Variants in TSHZ2 observed in about 807,000 individuals in gnomAD.
TSHZ2 encodes the protein teashirt zinc finger homeobox 2.
TSHZ2 carries 21 observed loss-of-function variants against 74.4 expected under a neutral mutation model. The observed-to-expected ratio is 0.28, with a 90% CI of 0.20 to 0.41. TSHZ2 has a LOEUF of 0.41. Ranked by LOEUF, TSHZ2 falls within the 10% of genes least tolerant of loss-of-function variation. The pLI, the probability that TSHZ2 is intolerant of heterozygous loss-of-function variation, is 1.00. For synonymous variants in TSHZ2, 540 were observed against 515.3 expected, an observed-to-expected ratio of 1.05 and a Z score of -0.65; for missense variants, 1,244 against 1,293.5, an observed-to-expected ratio of 0.96 and a Z score of 0.59.
chr20:53,421,973 A>G (rs7266293), intron 2 of TSHZ2, among the ~76,000 whole-genome samples: 20,142 of 151,648 alleles, frequency 0.13, 1,750 homozygotes, highest in South Asian at 0.33. Flanking sequence ...GAGCCACCGC[A>G]CCCGGCCTAT....
intron 1 of TSHZ2, among the ~76,000 whole-genome samples, chr20:52,978,478 G>A (rs868292010): frequency 2.0e-5 from 3 of 151,964 alleles, no homozygotes; most frequent in Non-Finnish European, 4.4e-5. Flanking sequence ...CCACTATTTC[G>A]AAGGCAATGC....
Position 52,997,920 on chromosome 20 carries a change from G to A in TSHZ2, c.40+24587G>A, listed in dbSNP as rs573720455. Among the ~76,000 whole-genome samples, 24 of 152,274 alleles carry A rather than the reference G, an allele frequency of 1.6e-4. No homozygotes were observed. In the South Asian group the frequency reaches 4.4e-3, roughly 28 times the overall value. On this transcript the variant is annotated intron_variant, in intron 1 of 2. Coordinates refer to ENST00000371497, the MANE Select transcript of TSHZ2 (RefSeq NM_173485.6). Reference sequence around the variant, plus strand: ...TTCCTACTCAAAGTATGGCCTGCAGGCCAACAGCCTCAGCATCTCCTAGGA... The same window carrying A: ...TTCCTACTCAAAGTATGGCCTGCAGACCAACAGCCTCAGCATCTCCTAGGA...
At chr20:53,300,882 T>C (rs1991465374) in intron 2 of TSHZ2, among the ~76,000 whole-genome samples, 1 of 152,220 alleles carries the variant, frequency 6.6e-6, no homozygotes, top group Non-Finnish European at 1.5e-5. Context: ...GTTGCATATT[T>C]GTTTATATGG....
At chr20:53,378,880 A>C (rs532660683) in intron 2 of TSHZ2, among the ~76,000 whole-genome samples, 1 of 152,360 alleles carries the variant, frequency 6.6e-6, no homozygotes, top group African/African-American at 2.4e-5. Flanking sequence ...ATGAGAGATG[A>C]TATGAGGATG....
intron 1 of TSHZ2, among the ~76,000 whole-genome samples, chr20:52,991,059 T>C (rs1981966786): frequency 6.6e-6 from 1 of 152,176 alleles, no homozygotes; most frequent in African/African-American, 2.4e-5. Context: ...GTGATGTATG[T>C]TGTGGGTATT....
At chr20:53,449,822 AT>A (rs1423558702) in intron 2 of TSHZ2, among the ~76,000 whole-genome samples, 1 of 152,198 alleles carries the variant, frequency 6.6e-6, no homozygotes, top group Non-Finnish European at 1.5e-5. Flanking sequence ...GCTATTATTT[AT>A]GTACACATTA....
intron 1 of TSHZ2, among the ~76,000 whole-genome samples, chr20:53,215,317 G>A (rs1989410222): frequency 6.6e-6 from 1 of 151,988 alleles, no homozygotes; most frequent in South Asian, 2.1e-4. Context: ...CAAAATAGCA[G>A]CATTTTGAGA....
chr20:53,095,778 T>G (rs1433293069), intron 1 of TSHZ2, among the ~76,000 whole-genome samples: 2 of 152,068 alleles, frequency 1.3e-5, no homozygotes, highest in Non-Finnish European at 2.9e-5. Flanking sequence ...CCCACCCCAG[T>G]TCTGACTACC....
At chr20:53,106,288 T>C (rs1008890511) in intron 1 of TSHZ2, among the ~76,000 whole-genome samples, 3 of 152,066 alleles carry the variant, frequency 2.0e-5, no homozygotes, top group African/African-American at 7.2e-5. Context: ...CTTTTACTTT[T>C]TTTAGATTTC....
intron 2 of TSHZ2, among the ~76,000 whole-genome samples, chr20:53,283,577 A>G (rs2741359): frequency 0.53 from 81,123 of 152,116 alleles, 23,932 homozygotes; most frequent in African/African-American, 0.8. Context: ...TTTAATTACC[A>G]AAAAAAGGAA....
At chr20:53,428,253 T>C (rs898572486) in intron 2 of TSHZ2, among the ~76,000 whole-genome samples, 4 of 152,228 alleles carry the variant, frequency 2.6e-5, no homozygotes, top group African/African-American at 9.6e-5. Flanking sequence ...AAACTCAGTC[T>C]TCTCGTTGGT....
At chr20:53,377,696 TA>T (rs11086422) in intron 2 of TSHZ2, among the ~76,000 whole-genome samples, 32,561 of 151,674 alleles carry the variant, frequency 0.21, 3,857 homozygotes, top group South Asian at 0.38. Context: ...CCCATATCTA[TA>T]AAAAAAATAC....
intron 1 of TSHZ2, among the ~76,000 whole-genome samples, chr20:53,002,593 A>T (rs1054680206): frequency 1.3e-5 from 2 of 152,094 alleles, no homozygotes; most frequent in Non-Finnish European, 2.9e-5. Context: ...TGATGTTGCC[A>T]GAATTAGCAA....
chr20:53,314,293 A>G (rs1978909992), intron 2 of TSHZ2, among the ~76,000 whole-genome samples: 1 of 151,786 alleles, frequency 6.6e-6, no homozygotes, highest in African/African-American at 2.4e-5. Context: ...GTCTCAAAAA[A>G]AAAAAAAAGA....
chr20:53,047,523 A>G (rs1189867717), intron 1 of TSHZ2, among the ~76,000 whole-genome samples: 1 of 152,170 alleles, frequency 6.6e-6, no homozygotes, highest in Non-Finnish European at 1.5e-5. Context: ...CTCCACTGAC[A>G]GCTCAGTGTC....
chr20:53,205,327 T>C (rs1326864412), intron 1 of TSHZ2, among the ~76,000 whole-genome samples: 1 of 152,188 alleles, frequency 6.6e-6, no homozygotes, highest in East Asian at 1.9e-4. Context: ...ATGGTATCTC[T>C]CCAACTTTGA....
At chr20:53,233,388 G>A (rs1989871225) in intron 1 of TSHZ2, among the ~76,000 whole-genome samples, 1 of 152,184 alleles carries the variant, frequency 6.6e-6, no homozygotes, top group Admixed American at 6.5e-5. Context: ...ATGAGACTAT[G>A]TAAGAAGAGA....
At chr20:53,197,772 C>A (rs1157898852) in intron 1 of TSHZ2, among the ~76,000 whole-genome samples, 1 of 152,190 alleles carries the variant, frequency 6.6e-6, no homozygotes, top group Non-Finnish European at 1.5e-5. Context: ...AACAGACAAA[C>A]ATTTGAATTT....
chr20:53,301,474 G>T (rs1290609794), intron 2 of TSHZ2, among the ~76,000 whole-genome samples: 1 of 152,030 alleles, frequency 6.6e-6, no homozygotes, highest in East Asian at 1.9e-4. Context: ...CTGCTCCTTT[G>T]CCAGGGAAAT....
Sources: allele counts gnomAD v4.1 joint callset (sites outside exome capture counted in the v4.1 genomes callset), GRCh38; gene constraint gnomAD v4.1.1; transcripts MANE v1.5; gene names NCBI Gene and HGNC (gene_info 2026-07-23, HGNC 2026-07-21).